The following TFAP2B variants were observed in gnomAD, a reference collection of about 807,000 sequenced individuals.
TFAP2B encodes the protein transcription factor AP-2 beta.
In TFAP2B, 9 loss-of-function variants were observed where a neutral mutation model predicts 44.3. The ratio of observed to expected loss-of-function variants is 0.20; its 90% CI spans 0.12 to 0.35. The LOEUF (loss-of-function observed/expected upper bound fraction) is 0.35, where lower values mean the gene tolerates loss of function less well. Among genes scored for constraint, TFAP2B ranks in the 10% least tolerant of loss-of-function variants. The pLI, the probability that TFAP2B is intolerant of heterozygous loss-of-function variation, is 1.00. For missense variants in TFAP2B, 509 were observed against 600.0 expected (o/e 0.85, Z 1.59); for synonymous variants, 270 against 263.8 (o/e 1.02, Z -0.23).
At chr6:50,833,915 A>G (rs1370895197) in intron 3 of TFAP2B, among the ~76,000 whole-genome samples, 1 of 152,324 alleles carries the variant, frequency 6.6e-6, no homozygotes, top group African/African-American at 2.4e-5. Context: ...GTATTTAGAG[A>G]TAAATATGTT....
chr6:50,836,334 C>T, intron 4 of TFAP2B, 54 bp downstream of exon 4: 2 of 1,469,480 alleles, frequency 1.4e-6, no homozygotes, highest in South Asian at 2.3e-5. Context: ...CAAAAACCCA[C>T]CAGTTTTTAT....
intron 3 of TFAP2B, among the ~76,000 whole-genome samples, chr6:50,834,071 T>C (rs1762572972): frequency 6.6e-6 from 1 of 152,212 alleles, no homozygotes; most frequent in African/African-American, 2.4e-5. Context: ...TATTTGTTTT[T>C]AATGCCTTCA....
intron 2 of TFAP2B, among the ~76,000 whole-genome samples, chr6:50,824,862 C>T (rs1376263276): frequency 6.6e-6 from 1 of 152,154 alleles, no homozygotes; most frequent in East Asian, 1.9e-4. Context: ...TGCTTTTTCA[C>T]CCTAAGTTAA....
At chr6:50,824,815 G>A (rs1280472271) in intron 2 of TFAP2B, among the ~76,000 whole-genome samples, 3 of 152,218 alleles carry the variant, frequency 2.0e-5, no homozygotes, top group Non-Finnish European at 2.9e-5. Flanking sequence ...TCAAAGAAAT[G>A]ATTCCTAAAA....
intron 2 of TFAP2B, among the ~76,000 whole-genome samples, chr6:50,824,927 T>A (rs917464185): frequency 3.3e-5 from 5 of 152,230 alleles, no homozygotes; most frequent in African/African-American, 1.2e-4. Context: ...ACACTTCAGT[T>A]TCATTGGCAT....
chr6:50,824,331 G>A (rs1353346021), intron 2 of TFAP2B, among the ~76,000 whole-genome samples: 2 of 152,094 alleles, frequency 1.3e-5, no homozygotes, highest in African/African-American at 2.4e-5. Flanking sequence ...AAGTTCCAGG[G>A]GCCTCTGTAT....
chr6:50,823,151 T>G (rs1057345628), intron 1 of TFAP2B, among the ~76,000 whole-genome samples: 2 of 152,084 alleles, frequency 1.3e-5, no homozygotes, highest in African/African-American at 4.8e-5. Flanking sequence ...GTTAAGTGGG[T>G]GATTCCTTTC....
chr6:50,823,640 C>T lies in TFAP2B; in HGVS notation c.315C>T (p.Pro105=). 1 of 1,614,142 alleles carries T rather than the reference C, an allele frequency of 6.2e-7. No individual in the cohort carries two copies. Among genetic ancestry groups the T allele is most frequent in the Admixed American group, 1.7e-5 (1 of 60,022 alleles). ...LNPLHQPQQH[P]WGQRQRQEVG... is the part of the protein sequence containing the mutation. ...CACTGCACCAGCCCCAGCAACATCC[C>T]TGGGGGCAACGGCAGCGGCAAGAAG... The change falls in exon 2 of 7, where the codon CCC becomes CCT. Residue 105 remains proline (P), a synonymous_variant. Coordinates refer to ENST00000393655, the MANE Select transcript of TFAP2B (RefSeq NM_003221.4).
At chr6:50,841,799 T>C (rs376127378) in intron 6 of TFAP2B, among the ~76,000 whole-genome samples, 11 of 152,222 alleles carry the variant, frequency 7.2e-5, no homozygotes, top group African/African-American at 2.7e-4. Context: ...CCCTTATCTA[T>C]TTCTTCCTGG....
intron 2 of TFAP2B, among the ~76,000 whole-genome samples, chr6:50,828,075 A>G (rs1561960620): frequency 6.6e-6 from 1 of 152,228 alleles, no homozygotes; most frequent in African/African-American, 2.4e-5. Flanking sequence ...CATAGTTTAC[A>G]GGAACGTGTA....
chr6:50,841,984 T>C (rs1762742318), intron 6 of TFAP2B, among the ~76,000 whole-genome samples: 1 of 152,206 alleles, frequency 6.6e-6, no homozygotes, highest in African/African-American at 2.4e-5. Flanking sequence ...GCCCCAGGAT[T>C]CTTTGAGTCC....
chr6:50,819,742 G>C (rs1258685086), intron 1 of TFAP2B, among the ~76,000 whole-genome samples: 1 of 152,198 alleles, frequency 6.6e-6, no homozygotes, highest in South Asian at 2.1e-4. Context: ...CCCGGACCGC[G>C]CTCGCCAAAG....
intron 3 of TFAP2B, among the ~76,000 whole-genome samples, chr6:50,833,033 T>C (rs1402264503): frequency 6.6e-6 from 1 of 152,218 alleles, no homozygotes; most frequent in African/African-American, 2.4e-5. Flanking sequence ...AAAATACTTC[T>C]AATGTATGCA....
intron 1 of TFAP2B, among the ~76,000 whole-genome samples, chr6:50,821,399 TTTTTA>T (rs1770341365): frequency 6.6e-6 from 1 of 152,180 alleles, no homozygotes; most frequent in African/African-American, 2.4e-5. Context: ...GAAGCAACCC[TTTTTA>T]TTTTGTTTTT....
At chr6:50,837,845 G>A in intron 4 of TFAP2B, 130 bp from the exon 5 acceptor site, 2 of 804,892 alleles carry the variant, frequency 2.5e-6, no homozygotes, top group East Asian at 2.5e-5. Flanking sequence ...TAACCAAAAG[G>A]AAGGGGGAAA....
At chr6:50,826,736 G>A (rs1308717727) in intron 2 of TFAP2B, among the ~76,000 whole-genome samples, 3 of 151,896 alleles carry the variant, frequency 2.0e-5, no homozygotes, top group East Asian at 1.9e-4. Flanking sequence ...TCCCACCTTT[G>A]CTCTCTTACC....
At chr6:50,836,422 G>T in intron 4 of TFAP2B, 142 bp downstream of exon 4, 1 of 796,360 alleles carries the variant, frequency 1.3e-6, no homozygotes, top group South Asian at 1.5e-5. Context: ...CGGGTGGCCG[G>T]AGCATTGCTT....
intron 3 of TFAP2B, among the ~76,000 whole-genome samples, chr6:50,831,736 C>G (rs549994843): frequency 1.9e-3 from 288 of 152,214 alleles, no homozygotes; most frequent in Non-Finnish European, 3.4e-3. Flanking sequence ...CAAAAAAAGG[C>G]TCACCTAAAC....
At chr6:50,832,028 A>T (rs1474760329) in intron 3 of TFAP2B, among the ~76,000 whole-genome samples, 1 of 152,220 alleles carries the variant, frequency 6.6e-6, no homozygotes, top group Non-Finnish European at 1.5e-5. Flanking sequence ...GAAATAAAGA[A>T]ATTGCCAAAT....
Sources: gnomAD v4.1 joint callset for allele counts (sites outside exome capture counted in the v4.1 genomes callset) on GRCh38, gnomAD v4.1.1 for gene constraint, MANE v1.5 for transcripts, NCBI Gene and HGNC (gene_info 2026-07-23, HGNC 2026-07-21) for gene names.